UMAD1: variants seen among roughly 807,000 people sequenced by gnomAD.
UMAD1 encodes UBAP1-MVB12-associated (UMA) domain containing 1.
Under a neutral mutation model 6.1 loss-of-function variants are expected in UMAD1, and 8 were observed. That is an observed-to-expected ratio of 1.30 (90% CI 0.76 to 2.35). The LOEUF is 2.35. Ranked by LOEUF, UMAD1 falls within the 30% of genes most tolerant of loss-of-function variation. The pLI is 0.00. For missense variants in UMAD1, 130 were observed against 78.4 expected, an observed-to-expected ratio of 1.66 and a Z score of -2.49; for synonymous variants, 56 against 31.4, an observed-to-expected ratio of 1.78 and a Z score of -2.61.
chr7:7,835,948 C>G lies in UMAD1; in HGVS notation c.156+34205C>G, dbSNP rs995792396. On this transcript the variant is annotated intron_variant, in intron 3 of 3. Transcript: ENST00000682710. ...TTTTTACATTCACTGAAAACATTCT[C>G]TAATCTAAATTTTGCCTTTTTATCA... Among the ~76,000 whole-genome samples, 6 of 152,026 alleles carry G rather than the reference C, an allele frequency of 3.9e-5. No individual in the cohort carries two copies. The East Asian group carries it at 1.2e-3, about 29-fold the overall frequency.
At chr7:7,702,189 G>T (rs1164881127) in intron 2 of UMAD1, among the ~76,000 whole-genome samples, 2 of 151,974 alleles carry the variant, frequency 1.3e-5, no homozygotes, top group Non-Finnish European at 2.9e-5. Context: ...TTAAAAGTTT[G>T]GTATGTGATA....
chr7:7,655,040 G>T (rs1378245696), intron 1 of UMAD1, among the ~76,000 whole-genome samples: 1 of 152,080 alleles, frequency 6.6e-6, no homozygotes, highest in Non-Finnish European at 1.5e-5. Flanking sequence ...AGTAATTCTG[G>T]ATTATGTAAT....
intron 1 of UMAD1, among the ~76,000 whole-genome samples, chr7:7,658,930 G>C (rs1785409076): frequency 6.6e-6 from 1 of 152,148 alleles, no homozygotes; most frequent in African/African-American, 2.4e-5. Flanking sequence ...GAATCCATCT[G>C]TTCCTGGACT....
At chr7:7,839,254 C>T (rs531323125) in intron 3 of UMAD1, among the ~76,000 whole-genome samples, 11 of 152,208 alleles carry the variant, frequency 7.2e-5, no homozygotes, top group African/African-American at 1.4e-4. Context: ...TGTCATCACC[C>T]GTTCTGGAAG....
chr7:7,664,495 C>A (rs566705017), intron 1 of UMAD1, among the ~76,000 whole-genome samples: 42 of 152,296 alleles, frequency 2.8e-4, no homozygotes, highest in African/African-American at 1.0e-3. Context: ...TAATTTATTT[C>A]TTCCCTTCTT....
chr7:7,770,976 C>T (rs144213121), intron 2 of UMAD1, among the ~76,000 whole-genome samples: 70 of 152,008 alleles, frequency 4.6e-4, no homozygotes, highest in African/African-American at 1.6e-3. Flanking sequence ...TGGATAAGAT[C>T]CCCTAGAGAT....
At chr7:7,731,837 A>G (rs1429789537) in intron 2 of UMAD1, among the ~76,000 whole-genome samples, 5 of 152,208 alleles carry the variant, frequency 3.3e-5, no homozygotes, top group African/African-American at 9.6e-5. Flanking sequence ...GGAGAAGTGT[A>G]GTAGCTAAGG....
chr7:7,731,136 C>T (rs1490974175), intron 2 of UMAD1, among the ~76,000 whole-genome samples: 2 of 152,082 alleles, frequency 1.3e-5, no homozygotes, highest in Non-Finnish European at 2.9e-5. Context: ...GTAGCTAGGA[C>T]TACAAGTGCG....
intron 2 of UMAD1, among the ~76,000 whole-genome samples, chr7:7,694,834 G>A (rs1780268958): frequency 6.6e-6 from 1 of 152,130 alleles, no homozygotes; most frequent in Non-Finnish European, 1.5e-5. Flanking sequence ...TGTGAATAGT[G>A]CTGCAATAAA....
chr7:7,656,585 T>A (rs1014362572), intron 1 of UMAD1, among the ~76,000 whole-genome samples: 1 of 152,152 alleles, frequency 6.6e-6, no homozygotes, highest in Non-Finnish European at 1.5e-5. Context: ...TCTGTTCTTG[T>A]GTTTGTTTGC....
intron 2 of UMAD1, among the ~76,000 whole-genome samples, chr7:7,788,722 G>A (rs1416886785): frequency 6.6e-6 from 1 of 151,952 alleles, no homozygotes; most frequent in South Asian, 2.1e-4. Context: ...AGTTGGTGGG[G>A]GTGGGGACTT....
rs1554321024 is a variant in UMAD1 at position 7,731,491 on chromosome 7, C to CCAAA, written c.82+58038_82+58039insCAAA. 2.2e-4 allele frequency among the ~76,000 whole-genome samples: 29 copies of CCAAA among 134,592 alleles called. 1 individual carries two copies. Among genetic ancestry groups the CCAAA allele is most frequent in the East Asian group, 1.5e-3 (7 of 4,580 alleles). 88.3% of individuals were successfully genotyped at this position (134,592 alleles called of 152,430 possible). A position where few individuals can be genotyped will look rare whatever the true frequency, so the allele number is the denominator to read the frequency against. Reference sequence around the variant, plus strand: ...GAAAAGCAAACAAACAACCCCCCCCCAAAAAAAAAACACTTCTAGAGGTAT... The same window carrying CCAAA: ...GAAAAGCAAACAAACAACCCCCCCCCCAAAAAAAAAAAAACACTTCTAGAGGTAT... On this transcript the variant is annotated intron_variant, in intron 2 of 3. Transcript: ENST00000682710.
intron 2 of UMAD1, among the ~76,000 whole-genome samples, chr7:7,706,309 T>G (rs1780597976): frequency 6.6e-6 from 1 of 151,636 alleles, no homozygotes; most frequent in Non-Finnish European, 1.5e-5. Context: ...CTAGAAGAGG[T>G]GGAAGTAGTG....
At chr7:7,687,611 G>A (rs974701535) in intron 2 of UMAD1, among the ~76,000 whole-genome samples, 4 of 152,182 alleles carry the variant, frequency 2.6e-5, no homozygotes, top group African/African-American at 4.8e-5. Flanking sequence ...TGTTTAAAGT[G>A]TGCATTAACT....
At chr7:7,716,936 T>A (rs1228474450) in intron 2 of UMAD1, among the ~76,000 whole-genome samples, 1 of 152,084 alleles carries the variant, frequency 6.6e-6, no homozygotes, top group East Asian at 1.9e-4. Flanking sequence ...CCTATGTAAA[T>A]CAGACACCGC....
intron 2 of UMAD1, among the ~76,000 whole-genome samples, chr7:7,775,737 T>C (rs1195328316): frequency 6.6e-6 from 1 of 152,250 alleles, no homozygotes; most frequent in Non-Finnish European, 1.5e-5. Flanking sequence ...TTTGGAAGTT[T>C]GGCTGTTTGT....
chr7:7,831,627 C>A (rs1039643181), intron 3 of UMAD1, among the ~76,000 whole-genome samples: 19 of 152,116 alleles, frequency 1.2e-4, no homozygotes, highest in Non-Finnish European at 2.4e-4. Flanking sequence ...GCGTTGAGAG[C>A]CCGGAACTGG....
intron 2 of UMAD1, among the ~76,000 whole-genome samples, chr7:7,703,755 C>T (rs114324949): frequency 0.018 from 2,810 of 152,150 alleles, 85 homozygotes; most frequent in African/African-American, 0.065. Flanking sequence ...GCCTGGGCAA[C>T]GTGGCGAAAC....
intron 2 of UMAD1, among the ~76,000 whole-genome samples, chr7:7,754,469 A>T (rs147950776): frequency 2.0e-5 from 3 of 152,254 alleles, no homozygotes; most frequent in African/African-American, 7.2e-5. Context: ...TTTATTTCCT[A>T]CAGAGTTGTT....
Sources: allele counts gnomAD v4.1 joint callset (sites outside exome capture counted in the v4.1 genomes callset), GRCh38; gene constraint gnomAD v4.1.1; transcripts MANE v1.5; gene names NCBI Gene and HGNC (gene_info 2026-07-23, HGNC 2026-07-21).